FNDC3A: variants seen among roughly 807,000 people sequenced by gnomAD.
FNDC3A encodes the protein fibronectin type-III domain-containing protein 3A.
Under a neutral mutation model 148.9 loss-of-function variants are expected in FNDC3A, and 32 were observed. The observed-to-expected ratio is 0.21, with a 90% CI of 0.16 to 0.29. The LOEUF is 0.29. Ranked by LOEUF, FNDC3A falls within the 10% of genes least tolerant of loss-of-function variation. FNDC3A has a pLI of 1.00. For synonymous variants in FNDC3A, 472 were observed against 473.6 expected (o/e 1.00, Z 0.04); for missense variants, 1,191 against 1,452.8 (o/e 0.82, Z 2.93).
chr13:49,071,299 C>T (rs1877671973), intron 2 of FNDC3A, among the ~76,000 whole-genome samples: 1 of 151,988 alleles, frequency 6.6e-6, no homozygotes, highest in Non-Finnish European at 1.5e-5. Context: ...TGGGTTGATT[C>T]CATATCTTGG....
At chr13:49,134,313 G>T (rs1263429352) in intron 5 of FNDC3A, among the ~76,000 whole-genome samples, 1 of 151,950 alleles carries the variant, frequency 6.6e-6, no homozygotes, top group East Asian at 1.9e-4. Flanking sequence ...GTAGACTTTT[G>T]TGTCTAGTTT....
chr13:49,060,497 A>C (rs1053380934), intron 2 of FNDC3A, among the ~76,000 whole-genome samples: 4 of 152,078 alleles, frequency 2.6e-5, no homozygotes, highest in African/African-American at 7.2e-5. Flanking sequence ...TATAAAAATT[A>C]GCCAGGTGTG....
At chr13:49,086,401 G>A (rs964930467) in intron 3 of FNDC3A, among the ~76,000 whole-genome samples, 1 of 152,138 alleles carries the variant, frequency 6.6e-6, no homozygotes, top group South Asian at 2.1e-4. Flanking sequence ...GGGCAATTTA[G>A]ATTCTACAAG....
chr13:49,016,985 G>A (rs1239845561), intron 2 of FNDC3A, among the ~76,000 whole-genome samples: 16 of 151,750 alleles, frequency 1.1e-4, no homozygotes, highest in Non-Finnish European at 1.5e-5. Flanking sequence ...TATAATGTCT[G>A]TTCTTTTACA....
intron 19 of FNDC3A, among the ~76,000 whole-genome samples, chr13:49,195,912 A>G (rs1886123619): frequency 1.3e-5 from 2 of 151,942 alleles, no homozygotes; most frequent in South Asian, 4.2e-4. Context: ...TGTCTCTGTA[A>G]AAAGTAGAAA....
At chr13:49,104,253 G>A (rs1465950083) in intron 3 of FNDC3A, among the ~76,000 whole-genome samples, 1 of 152,158 alleles carries the variant, frequency 6.6e-6, no homozygotes, top group African/African-American at 2.4e-5. Context: ...GGGGCCGGGC[G>A]CAGTGGCTCA....
At chr13:48,978,159 AT>A (rs1211069098) in intron 1 of FNDC3A, among the ~76,000 whole-genome samples, 1 of 151,872 alleles carries the variant, frequency 6.6e-6, no homozygotes, top group African/African-American at 2.4e-5. Flanking sequence ...GACCTGATTT[AT>A]TTTAACACAC....
chr13:49,140,554 A>G (rs927086228), intron 7 of FNDC3A, among the ~76,000 whole-genome samples: 4 of 152,200 alleles, frequency 2.6e-5, no homozygotes, highest in Non-Finnish European at 4.4e-5. Flanking sequence ...TACAAAGTGC[A>G]GGTCAGGGTT....
At chr13:49,146,994 CT>C (rs892752564) in intron 8 of FNDC3A, 1 of 152,114 alleles carries the variant, frequency 6.6e-6, no homozygotes, top group Non-Finnish European at 1.5e-5. Context: ...TTGTTGCTAT[CT>C]TTTTTCAAAA....
chr13:49,187,471 A>G, intron 16 of FNDC3A: 2 of 1,479,454 alleles, frequency 1.4e-6, no homozygotes, highest in Non-Finnish European at 1.9e-6. Flanking sequence ...GGATGAACTG[A>G]AACATCCTTA....
At chr13:49,000,003 T>C (rs1216734380) in intron 1 of FNDC3A, among the ~76,000 whole-genome samples, 1 of 152,210 alleles carries the variant, frequency 6.6e-6, no homozygotes, top group Non-Finnish European at 1.5e-5. Context: ...GCTAAGACAA[T>C]TTGTAAATGT....
At chr13:49,127,554 A>G (rs1278152737) in intron 4 of FNDC3A, among the ~76,000 whole-genome samples, 2 of 152,180 alleles carry the variant, frequency 1.3e-5, no homozygotes, top group African/African-American at 4.8e-5. Flanking sequence ...TGACACAGTT[A>G]ATCCTTCCTC....
chr13:49,151,250 T>C (rs983728702), intron 8 of FNDC3A, among the ~76,000 whole-genome samples: 1 of 152,184 alleles, frequency 6.6e-6, no homozygotes, highest in Non-Finnish European at 1.5e-5. Context: ...AATTGCTTTA[T>C]ATTTCTGGGT....
At position 49,135,653 on chromosome 13, in the gene FNDC3A, T is replaced by A. The variant is rs1384694066; in HGVS notation, c.491-679T>A. 5.3e-5 allele frequency among the ~76,000 whole-genome samples: 8 copies of A among 152,288 alleles called. No individual in the cohort carries two copies. The East Asian group carries it at 1.5e-3, about 29-fold the overall frequency. On this transcript the variant is annotated intron_variant, in intron 5 of 25. Coordinates refer to ENST00000492622, the MANE Select transcript of FNDC3A (RefSeq NM_001079673.2). The stretch of plus-strand genomic sequence containing the variant: ...TTTTTACTGAGGCTTTTAAAAAATA[T>A]TTTTCTCATCACAAATTTTAAATTT...
intron 2 of FNDC3A, among the ~76,000 whole-genome samples, chr13:49,016,587 G>A (rs2137628467): frequency 6.6e-6 from 1 of 152,202 alleles, no homozygotes. Flanking sequence ...AGGGTTTTGT[G>A]TGTCTCTATT....
chr13:49,044,265 G>A, intron 2 of FNDC3A: 1 of 196,838 alleles, frequency 5.1e-6, no homozygotes, highest in South Asian at 1.1e-4. Flanking sequence ...CCATTAAGCT[G>A]TGCCTCCTCT....
At chr13:48,975,697 C>A (rs901394514), upstream of FNDC3A, 3 of 152,240 alleles carry the variant, frequency 2.0e-5, no homozygotes, top group African/African-American at 7.2e-5. Flanking sequence ...CGCAGCCGGG[C>A]CTCGGGAGAA....
At chr13:49,079,456 A>G (rs994728538) in intron 3 of FNDC3A, among the ~76,000 whole-genome samples, 2 of 152,232 alleles carry the variant, frequency 1.3e-5, no homozygotes, top group Non-Finnish European at 2.9e-5. Flanking sequence ...TTCCAGGAGA[A>G]AATGACACAT....
intron 2 of FNDC3A, among the ~76,000 whole-genome samples, chr13:49,066,114 T>C (rs1322588488): frequency 6.6e-6 from 1 of 152,188 alleles, no homozygotes; most frequent in East Asian, 1.9e-4. Flanking sequence ...ATTAGTTCAA[T>C]TGGCAGACCT....
Sources: allele counts gnomAD v4.1 joint callset (sites outside exome capture counted in the v4.1 genomes callset), GRCh38; gene constraint gnomAD v4.1.1; transcripts MANE v1.5; gene names NCBI Gene and HGNC (gene_info 2026-07-23, HGNC 2026-07-21).